The following DCP2 variants were observed in gnomAD, a reference collection of about 807,000 sequenced individuals.
The protein encoded by DCP2 is decapping mRNA 2.
A neutral mutation model predicts 56.1 loss-of-function variants in DCP2; 30 were observed. The ratio of observed to expected loss-of-function variants is 0.53; its 90% CI spans 0.40 to 0.73. The LOEUF is 0.73. Ranked by LOEUF, DCP2 falls within the 30% of genes least tolerant of loss-of-function variation. The pLI, the probability that DCP2 is intolerant of heterozygous loss-of-function variation, is 0.00. For synonymous variants in DCP2, 197 were observed against 163.3 expected, an observed-to-expected ratio of 1.21 and a Z score of -1.57; for missense variants, 533 against 502.7, an observed-to-expected ratio of 1.06 and a Z score of -0.58.
chr5:113,013,299 ATTTTG>A lies in DCP2; in HGVS notation c.1100-17_1100-13del, dbSNP rs1561707566. 1 of 1,594,742 alleles carries A rather than the reference ATTTTG, an allele frequency of 6.3e-7. No homozygotes were observed. The highest frequency in any genetic ancestry group is 8.5e-7 in the Non-Finnish European group (1 of 1,169,774). The stretch of plus-strand genomic sequence containing the variant: ...CTTACTAAGGTTACTGAGCTTATTT[ATTTTG>A]TTTTTTCTTTAAACAGATGCTGTAT... On this transcript the variant is annotated splice_polypyrimidine_tract_variant and intron_variant, in intron 10 of 10. Transcript: ENST00000389063.
At chr5:113,004,115 G>C in intron 8 of DCP2, 38 bp downstream of exon 8, 1 of 1,593,560 alleles carries the variant, frequency 6.3e-7, no homozygotes, top group African/African-American at 1.4e-5. Flanking sequence ...CAGAAATTTA[G>C]ATCATTTGGC....
chr5:112,995,104 A>G (rs758864518), intron 4 of DCP2, among the ~76,000 whole-genome samples: 3 of 152,216 alleles, frequency 2.0e-5, no homozygotes, highest in Non-Finnish European at 4.4e-5. Flanking sequence ...TCACTTTGTA[A>G]TAGAATCAAA....
At chr5:112,992,085 T>C in intron 2 of DCP2, 36 bp from the exon 3 acceptor site, 1 of 1,608,726 alleles carries the variant, frequency 6.2e-7, no homozygotes, top group South Asian at 1.1e-5. Flanking sequence ...CAAGCCATAT[T>C]AAAGGAGAAA....
intron 2 of DCP2, among the ~76,000 whole-genome samples, chr5:112,990,960 T>C (rs1051319734): frequency 3.3e-4 from 50 of 152,336 alleles, no homozygotes; most frequent in Middle Eastern, 3.4e-3. Flanking sequence ...GTTTTGAGTT[T>C]GGTGTACCTG....
At chr5:112,977,788 AC>A (rs1248813378) in intron 1 of DCP2, among the ~76,000 whole-genome samples, 4 of 152,148 alleles carry the variant, frequency 2.6e-5, no homozygotes, top group African/African-American at 7.2e-5. Context: ...GTGCAGTGAT[AC>A]CCGGAGTTGT....
At chr5:113,005,123 C>G (rs1246946880) in intron 8 of DCP2, among the ~76,000 whole-genome samples, 1 of 138,914 alleles carries the variant, frequency 7.2e-6, no homozygotes, top group East Asian at 2.0e-4. Flanking sequence ...GAACAAAACT[C>G]TGTCTCAAAA....
At chr5:112,977,584 G>A (rs1747778552) in intron 1 of DCP2, among the ~76,000 whole-genome samples, 1 of 152,150 alleles carries the variant, frequency 6.6e-6, no homozygotes, top group Non-Finnish European at 1.5e-5. Context: ...GAGGGAAAAA[G>A]TGTAGCGCTG....
chr5:113,000,025 C>T (rs1464939460), intron 4 of DCP2, among the ~76,000 whole-genome samples: 1 of 139,766 alleles, frequency 7.2e-6, no homozygotes, highest in Non-Finnish European at 1.5e-5. Context: ...CCCACCATTG[C>T]ACTCCAGCCC....
intron 2 of DCP2, among the ~76,000 whole-genome samples, chr5:112,988,253 G>T (rs1035619582): frequency 6.6e-6 from 1 of 151,584 alleles, no homozygotes; most frequent in East Asian, 1.9e-4. Context: ...GAGGCCAAGG[G>T]GGGCGGATCA....
intron 1 of DCP2, among the ~76,000 whole-genome samples, chr5:112,980,626 A>C (rs972775820): frequency 6.6e-6 from 1 of 152,248 alleles, no homozygotes; most frequent in African/African-American, 2.4e-5. Flanking sequence ...TGAACGCATT[A>C]AATGTTTAAT....
At chr5:112,988,228 A>G (rs774951378) in intron 2 of DCP2, among the ~76,000 whole-genome samples, 19 of 151,976 alleles carry the variant, frequency 1.3e-4, no homozygotes, top group Middle Eastern at 3.4e-3. Flanking sequence ...CATGCCTGTA[A>G]TCCCAGCACT....
intron 9 of DCP2, among the ~76,000 whole-genome samples, chr5:113,009,723 A>G (rs755364987): frequency 6.6e-6 from 1 of 152,182 alleles, no homozygotes; most frequent in Non-Finnish European, 1.5e-5. Flanking sequence ...GACAATGTAC[A>G]TTTATTGAAA....
chr5:112,988,624 A>C (rs532387301), intron 2 of DCP2, among the ~76,000 whole-genome samples: 2 of 152,176 alleles, frequency 1.3e-5, no homozygotes, highest in African/African-American at 2.4e-5. Context: ...GATGGGAGAC[A>C]GATTTCAAAG....
In DCP2 at chr5:113,001,533, A is replaced by G. The variant is rs747940211; in HGVS notation, c.699-34A>G. The G allele has an allele frequency of 4.3e-6, 7 of 1,610,272 alleles. No individual in the cohort carries two copies. In the African/African-American group the frequency reaches 5.3e-5, roughly 12 times the overall value. Reference sequence around the variant, plus strand: ...GGATAGTCATCTTCTGTCTGTAGCCATATTTTGAAAGTGAATTCTTAATGT... The same window carrying G: ...GGATAGTCATCTTCTGTCTGTAGCCGTATTTTGAAAGTGAATTCTTAATGT... On this transcript the variant is annotated intron_variant, in intron 6 of 10. Transcript: ENST00000389063.
chr5:112,977,561 T>G (rs1431940854), intron 1 of DCP2, among the ~76,000 whole-genome samples: 1 of 152,186 alleles, frequency 6.6e-6, no homozygotes, highest in African/African-American at 2.4e-5. Context: ...CCTGGACTTG[T>G]CTTTGGGGGA....
chr5:112,981,827 A>G (rs549227631), intron 1 of DCP2, among the ~76,000 whole-genome samples: 7 of 152,234 alleles, frequency 4.6e-5, no homozygotes, highest in Non-Finnish European at 7.4e-5. Context: ...GCTGGAGGCA[A>G]TGATGTGGTC....
intron 2 of DCP2, among the ~76,000 whole-genome samples, chr5:112,991,814 G>C (rs1748607601): frequency 1.3e-5 from 2 of 152,190 alleles, no homozygotes; most frequent in Admixed American, 1.3e-4. Flanking sequence ...ATTAGTTTGT[G>C]TTAGGGATCC....
intron 1 of DCP2, among the ~76,000 whole-genome samples, chr5:112,979,230 G>A (rs952357024): frequency 2.0e-5 from 3 of 152,040 alleles, no homozygotes; most frequent in Non-Finnish European, 4.4e-5. Context: ...ATAAGGATAT[G>A]ATATATTTAA....
chr5:112,997,393 A>ATT (rs1748911067), intron 4 of DCP2, among the ~76,000 whole-genome samples: 1 of 152,210 alleles, frequency 6.6e-6, no homozygotes, highest in African/African-American at 2.4e-5. Flanking sequence ...TGGTTTCAAG[A>ATT]TTTAATATAT....
Sources: allele counts gnomAD v4.1 joint callset (sites outside exome capture counted in the v4.1 genomes callset), GRCh38; gene constraint gnomAD v4.1.1; transcripts MANE v1.5; gene names NCBI Gene and HGNC (gene_info 2026-07-23, HGNC 2026-07-21).